The following SMAP1 variants were observed in gnomAD, a reference collection of about 807,000 sequenced individuals.
SMAP1 encodes the protein small ArfGAP 1.
A neutral mutation model predicts 58.5 loss-of-function variants in SMAP1; 24 were observed. The ratio of observed to expected loss-of-function variants is 0.41; its 90% confidence interval spans 0.30 to 0.58. SMAP1 has a LOEUF of 0.58. Ranked by LOEUF, SMAP1 falls within the 20% of genes least tolerant of loss-of-function variation. SMAP1 has a pLI of 0.29. For synonymous variants in SMAP1, 216 were observed against 196.6 expected (o/e 1.10, Z -0.82); for missense variants, 563 against 566.3 (o/e 0.99, Z 0.06).
chr6:70,761,638 A>G (rs915768005), intron 3 of SMAP1, among the ~76,000 whole-genome samples: 2 of 152,012 alleles, frequency 1.3e-5, no homozygotes, highest in African/African-American at 2.4e-5. Context: ...CATGGACCCT[A>G]TCTTTTAAGT....
At chr6:70,680,079 A>G (rs1401225818) in intron 1 of SMAP1, among the ~76,000 whole-genome samples, 1 of 150,980 alleles carries the variant, frequency 6.6e-6, no homozygotes, top group Non-Finnish European at 1.5e-5. Context: ...AAGGTAACTC[A>G]ATGGAGAGAA....
chr6:70,787,368 C>T (rs1024422347), intron 4 of SMAP1, among the ~76,000 whole-genome samples: 6 of 152,144 alleles, frequency 3.9e-5, no homozygotes, highest in Admixed American at 3.9e-4. Flanking sequence ...CTAGGCAATA[C>T]CATTCAGGAC....
chr6:70,859,502 T>G, intron 10 of SMAP1: 1 of 828,812 alleles, frequency 1.2e-6, no homozygotes, highest in Non-Finnish European at 1.9e-6. Context: ...TGTAAATAAG[T>G]CAAGTCAAAT....
rs140255993 is a variant in SMAP1, at chr6:70,770,444, G to A, written c.339-2906G>A. Among the ~76,000 whole-genome samples the A allele has an allele frequency of 6.9e-3, 1,052 of 152,180 alleles. 7 individuals carry two copies. Among genetic ancestry groups the A allele is most frequent in the African/African-American group, 0.024 (998 of 41,530 alleles). On this transcript the variant is annotated intron_variant, in intron 3 of 10. Transcript: ENST00000370455. ...CCCATATTTCTTGGAGACTTTGTTC[G>A]TTTCTTTTTATTCTTTTTTCTCTAA...
At chr6:70,723,255 T>A (rs1458149903) in intron 1 of SMAP1, among the ~76,000 whole-genome samples, 2 of 152,180 alleles carry the variant, frequency 1.3e-5, no homozygotes, top group Non-Finnish European at 2.9e-5. Flanking sequence ...GCCTCCCAGG[T>A]AGCTGGGACT....
chr6:70,791,776 T>G lies in SMAP1; in HGVS notation c.495+7T>G, dbSNP rs758993657. On this transcript the variant is annotated splice_region_variant and intron_variant, in intron 5 of 10. Coordinates refer to ENST00000370455, the MANE Select transcript of SMAP1 (RefSeq NM_001044305.3). The stretch of plus-strand genomic sequence containing the variant: ...TGACAAAAATAAATTGGAGGTATGG[T>G]CATGTTTTAACCAGCTACATTATGT... 1.9e-5 allele frequency: 30 copies of G among 1,610,836 alleles called. No individual in the cohort carries two copies. The highest frequency in any genetic ancestry group is 1.6e-4 in the Middle Eastern group (1 of 6,074).
chr6:70,729,459 TTGTGTGTGTGTGTGTGTG>T (rs35058846), intron 1 of SMAP1, among the ~76,000 whole-genome samples: 2 of 128,164 alleles, frequency 1.6e-5, no homozygotes, highest in Non-Finnish European at 3.2e-5. Flanking sequence ...AAAAAGAAGG[TTGTGTGTGTGTGTGTGTG>T]TGTGTGTGTG....
At chr6:70,770,725 G>A (rs1006996766) in intron 3 of SMAP1, among the ~76,000 whole-genome samples, 4 of 152,074 alleles carry the variant, frequency 2.6e-5, no homozygotes, top group Admixed American at 6.6e-5. Context: ...TAGTTTGATC[G>A]TCTGAAGCCT....
At chr6:70,768,140 G>C (rs1767086635) in intron 3 of SMAP1, among the ~76,000 whole-genome samples, 1 of 152,142 alleles carries the variant, frequency 6.6e-6, no homozygotes. Context: ...TGTGCTGCTG[G>C]GTTCGGTTTG....
chr6:70,770,664 C>T (rs941051631), intron 3 of SMAP1, among the ~76,000 whole-genome samples: 1 of 152,068 alleles, frequency 6.6e-6, no homozygotes, highest in Non-Finnish European at 1.5e-5. Context: ...ATTTTTTTCA[C>T]AGTTTTCAAC....
In SMAP1 at chr6:70,833,679, C is replaced by T. The variant is rs1010069666; in HGVS notation, c.577-3262C>T. Among the ~76,000 whole-genome samples the T allele has an allele frequency of 2.0e-5, 3 of 152,150 alleles. No individual in the cohort carries two copies. The South Asian group carries it at 6.2e-4, about 32-fold the overall frequency. Reference sequence around the variant, plus strand: ...TAAGAAATACATTTTACATTATGATCCAGATTTGTGCTCACATGTGTGTGC... The same window carrying T: ...TAAGAAATACATTTTACATTATGATTCAGATTTGTGCTCACATGTGTGTGC... On this transcript the variant is annotated intron_variant, in intron 6 of 10. Transcript: ENST00000370455.
chr6:70,857,086 A>G, intron 9 of SMAP1, 56 bp downstream of exon 9: 2 of 1,461,908 alleles, frequency 1.4e-6, no homozygotes, highest in East Asian at 2.3e-5. Flanking sequence ...ATCCTTTGTA[A>G]TTATATAATA....
intron 1 of SMAP1, among the ~76,000 whole-genome samples, chr6:70,708,356 GTTCA>G (rs1160854241): frequency 6.6e-6 from 1 of 151,806 alleles, no homozygotes; most frequent in Non-Finnish European, 1.5e-5. Context: ...TAATTTCTTT[GTTCA>G]TTCATCCGTT....
chr6:70,767,032 G>T (rs867083507), intron 3 of SMAP1, among the ~76,000 whole-genome samples: 2 of 151,960 alleles, frequency 1.3e-5, no homozygotes, highest in South Asian at 2.1e-4. Flanking sequence ...GTTTTTCTCA[G>T]GTTTGTCAAA....
chr6:70,804,971 T>C (rs972674132), intron 6 of SMAP1, among the ~76,000 whole-genome samples: 5 of 152,000 alleles, frequency 3.3e-5, no homozygotes, highest in Non-Finnish European at 7.4e-5. Context: ...ATATGACAAT[T>C]ATGTGTCTTG....
chr6:70,857,720 T>C, intron 9 of SMAP1: 1 of 585,618 alleles, frequency 1.7e-6, no homozygotes, highest in East Asian at 2.8e-5. Flanking sequence ...TTTACTCAGG[T>C]TAATAACTGA....
chr6:70,758,444 A>G (rs950407143), intron 3 of SMAP1, among the ~76,000 whole-genome samples: 3 of 151,154 alleles, frequency 2.0e-5, no homozygotes, highest in Admixed American at 6.6e-5. Flanking sequence ...TGGGTGCAGC[A>G]CACCAGCATG....
intron 1 of SMAP1, among the ~76,000 whole-genome samples, chr6:70,670,115 A>C (rs1404211386): frequency 6.6e-6 from 1 of 152,084 alleles, no homozygotes; most frequent in Non-Finnish European, 1.5e-5. Context: ...TATTGAATGA[A>C]TGTCTTTTGT....
chr6:70,818,288 C>T (rs924259511), intron 6 of SMAP1, among the ~76,000 whole-genome samples: 1 of 151,572 alleles, frequency 6.6e-6, no homozygotes, highest in Non-Finnish European at 1.5e-5. Context: ...CACCTGTAAT[C>T]CCAGCTACTC....
Sources: gnomAD v4.1 joint callset for allele counts (sites outside exome capture counted in the v4.1 genomes callset) on GRCh38, gnomAD v4.1.1 for gene constraint, MANE v1.5 for transcripts, NCBI Gene and HGNC (gene_info 2026-07-23, HGNC 2026-07-21) for gene names.